Variants in SDC3 observed in about 807,000 individuals in gnomAD.
SDC3 encodes syndecan-3.
A neutral mutation model predicts 24.4 loss-of-function variants in SDC3; 13 were observed. The ratio of observed to expected loss-of-function variants is 0.53; its 90% CI spans 0.35 to 0.85. SDC3 has a LOEUF of 0.85. Among genes scored for constraint, SDC3 ranks in the 40% least tolerant of loss-of-function variants. SDC3 has a pLI of 0.01. For missense variants in SDC3, 571 were observed against 584.5 expected, an observed-to-expected ratio of 0.98 and a Z score of 0.24; for synonymous variants, 295 against 260.9, an observed-to-expected ratio of 1.13 and a Z score of -1.26.
At chr1:30,887,137 C>T (rs1639840497) in intron 1 of SDC3, among the ~76,000 whole-genome samples, 1 of 152,096 alleles carries the variant, frequency 6.6e-6, no homozygotes. Context: ...AAATGGAGGA[C>T]AAGGCGCACT....
rs13375114 is a variant in SDC3 at position 30,870,115 on chromosome 1, G to A, written c.*3096C>T. ...GCAGCCACTCCTACCCCATGAGGCA[G>A]AGGGTCTGCTCCCTGTGTCCAGGGG... On this transcript the variant is annotated 3_prime_UTR_variant, in exon 5 of 5. Coordinates refer to ENST00000339394, the MANE Select transcript of SDC3 (RefSeq NM_014654.4). 1 of 391,686 alleles carries A rather than the reference G, an allele frequency of 2.6e-6. No homozygotes were observed. Among genetic ancestry groups the A allele is most frequent in the African/African-American group, 2.1e-5 (1 of 48,476 alleles). The allele number at this position is 391,686 out of a possible 1,614,324, so 24.3% of individuals were successfully genotyped here.
At chr1:30,906,914 G>A (rs1638529397) in intron 1 of SDC3, among the ~76,000 whole-genome samples, 1 of 152,182 alleles carries the variant, frequency 6.6e-6, no homozygotes, top group African/African-American at 2.4e-5. Context: ...ACTTAGGGGA[G>A]AGCTGGGAAT....
chr1:30,886,090 C>A (rs1446287444), intron 1 of SDC3, among the ~76,000 whole-genome samples: 2 of 151,982 alleles, frequency 1.3e-5, no homozygotes, highest in African/African-American at 4.8e-5. Context: ...CCCAGCAGCA[C>A]CCCCCACACC....
At position 30,885,657 on chromosome 1, in the gene SDC3, C is replaced by T. The variant is rs545473654; in HGVS notation, c.139-6917G>A. Among the ~76,000 whole-genome samples, 4 of 152,318 alleles carry T rather than the reference C, an allele frequency of 2.6e-5. No homozygotes were observed. The East Asian group carries it at 7.7e-4, about 29-fold the overall frequency. ...AGCCTCTGAGGGAGCTGGCAGGGCC[C>T]ACGGCCCAACCGAGTCTCACCACAG... is the stretch of plus-strand genomic sequence containing the variant. On this transcript the variant is annotated intron_variant, in intron 1 of 4. Transcript: ENST00000339394.
At chr1:30,887,298 C>T (rs1479981571) in intron 1 of SDC3, among the ~76,000 whole-genome samples, 2 of 152,020 alleles carry the variant, frequency 1.3e-5, no homozygotes, top group Non-Finnish European at 2.9e-5. Context: ...CAGGAGTCTC[C>T]GAGGAACAAC....
intron 1 of SDC3, among the ~76,000 whole-genome samples, chr1:30,882,280 G>A (rs1451747156): frequency 6.6e-6 from 1 of 152,170 alleles, no homozygotes; most frequent in African/African-American, 2.4e-5. Flanking sequence ...GATGAAATGT[G>A]GCACCCTTCC....
In SDC3 at chr1:30,869,646, T is replaced by G. The variant is rs1639498214; in HGVS notation, c.*3565A>C. 1 of 398,384 alleles carries G rather than the reference T, an allele frequency of 2.5e-6. No homozygotes were observed. The highest frequency in any genetic ancestry group is 1.3e-4 in the South Asian group (1 of 7,864). 24.7% of individuals were successfully genotyped at this position (398,384 alleles called of 1,614,324 possible). On this transcript the variant is annotated 3_prime_UTR_variant, in exon 5 of 5. Coordinates refer to ENST00000339394, the MANE Select transcript of SDC3 (RefSeq NM_014654.4). ...GCGCCTTGGTCTCTTTTTTCCACTGTCTTTTTCTTTTGTTTTTCTTATTTA... is the reference window on the plus strand; with the variant it reads ...GCGCCTTGGTCTCTTTTTTCCACTGGCTTTTTCTTTTGTTTTTCTTATTTA...
intron 1 of SDC3, among the ~76,000 whole-genome samples, chr1:30,882,921 G>A (rs944600046): frequency 2.0e-5 from 3 of 152,184 alleles, no homozygotes; most frequent in Non-Finnish European, 2.9e-5. Context: ...AGAAGACTAC[G>A]CAGCTCATAG....
At chr1:30,900,776 A>G (rs1311427037) in intron 1 of SDC3, among the ~76,000 whole-genome samples, 1 of 151,684 alleles carries the variant, frequency 6.6e-6, no homozygotes, top group African/African-American at 2.4e-5. Context: ...ATTCTAAATT[A>G]CCCTCATTAA....
intron 1 of SDC3, among the ~76,000 whole-genome samples, chr1:30,880,271 A>AC (rs912033602): frequency 6.4e-4 from 96 of 150,314 alleles, no homozygotes; most frequent in African/African-American, 2.2e-3. Flanking sequence ...GGGAGAGATC[A>AC]CGGGGGAACT....
intron 1 of SDC3, among the ~76,000 whole-genome samples, chr1:30,889,366 G>A (rs931747533): frequency 5.9e-5 from 9 of 152,124 alleles, no homozygotes; most frequent in African/African-American, 1.9e-4. Flanking sequence ...GGGTCATAAG[G>A]ACTGAAGCAC....
At chr1:30,905,964 C>T (rs865993940) in intron 1 of SDC3, among the ~76,000 whole-genome samples, 2 of 149,970 alleles carry the variant, frequency 1.3e-5, no homozygotes, top group Admixed American at 1.3e-4. Flanking sequence ...CACGAAGACA[C>T]ACACACACAC....
rs1181843818 is a variant in SDC3 at position 30,869,535 on chromosome 1, AC to A, written c.*3675del. The A allele has an allele frequency of 5.2e-4, 157 of 303,762 alleles. No homozygotes were observed. The highest frequency in any genetic ancestry group is 9.3e-4 in the South Asian group (4 of 4,282). The allele number at this position is 303,762 out of a possible 1,614,324, so 18.8% of individuals were successfully genotyped here. On this transcript the variant is annotated 3_prime_UTR_variant, in exon 5 of 5. Coordinates refer to ENST00000339394, the MANE Select transcript of SDC3 (RefSeq NM_014654.4). Reference sequence around the variant, plus strand: ...CAGGAAGTGTTAAAAAAACAAACAAACAAAAAAAAAAAAAAAAAAAAAAAAA... The same window carrying A: ...CAGGAAGTGTTAAAAAAACAAACAAAAAAAAAAAAAAAAAAAAAAAAAAAA...
Position 30,869,764 on chromosome 1 carries a change from A to G in SDC3, c.*3447T>C. On this transcript the variant is annotated 3_prime_UTR_variant, in exon 5 of 5. Coordinates refer to ENST00000339394, the MANE Select transcript of SDC3 (RefSeq NM_014654.4). ...GAAGGCCTGGGGGAGGGAATGGCAGACCCCCACCCACCCCAGGCAGGTTCT... is the reference window on the plus strand; with the variant it reads ...GAAGGCCTGGGGGAGGGAATGGCAGGCCCCCACCCACCCCAGGCAGGTTCT... 2.5e-6 allele frequency: 1 copy of G among 398,382 alleles called. No individual in the cohort carries two copies. Among genetic ancestry groups the G allele is most frequent in the Non-Finnish European group, 4.4e-6 (1 of 226,160 alleles). 24.7% of individuals were successfully genotyped at this position (398,382 alleles called of 1,614,324 possible). A position where few individuals can be genotyped will look rare whatever the true frequency, so the allele number is the denominator to read the frequency against.
intron 1 of SDC3, among the ~76,000 whole-genome samples, chr1:30,884,584 G>A (rs1639801673): frequency 6.6e-6 from 1 of 151,846 alleles, no homozygotes; most frequent in South Asian, 2.1e-4. Context: ...TGTGGCACCT[G>A]CCTCCACCCA....
rs141652426 is a variant in SDC3 at position 30,869,641 on chromosome 1, C to T, written c.*3570G>A. On this transcript the variant is annotated 3_prime_UTR_variant, in exon 5 of 5. Coordinates refer to ENST00000339394, the MANE Select transcript of SDC3 (RefSeq NM_014654.4). Reference sequence around the variant, plus strand: ...GGCAGGCGCCTTGGTCTCTTTTTTCCACTGTCTTTTTCTTTTGTTTTTCTT... The same window carrying T: ...GGCAGGCGCCTTGGTCTCTTTTTTCTACTGTCTTTTTCTTTTGTTTTTCTT... The T allele has an allele frequency of 1.5e-3, 591 of 398,042 alleles. 3 individuals carry two copies. Among genetic ancestry groups the T allele is most frequent in the African/African-American group, 0.011 (546 of 48,480 alleles). 24.7% of individuals were successfully genotyped at this position (398,042 alleles called of 1,614,324 possible). A position where few individuals can be genotyped will look rare whatever the true frequency, so the allele number is the denominator to read the frequency against.
chr1:30,876,494 T>A, intron 3 of SDC3, 58 bp downstream of exon 3: 2 of 1,406,934 alleles, frequency 1.4e-6, no homozygotes, highest in Non-Finnish European at 1.9e-6. Flanking sequence ...ATCCTCCTCA[T>A]CCCTCCCCTG....
intron 1 of SDC3, among the ~76,000 whole-genome samples, chr1:30,882,896 A>G (rs1328436290): frequency 6.6e-6 from 1 of 152,172 alleles, no homozygotes; most frequent in Non-Finnish European, 1.5e-5. Flanking sequence ...TCTCATCTGT[A>G]AAATGGAGAT....
chr1:30,885,770 C>T (rs1006625874), intron 1 of SDC3, among the ~76,000 whole-genome samples: 1 of 152,240 alleles, frequency 6.6e-6, no homozygotes, highest in African/African-American at 2.4e-5. Flanking sequence ...GACACCCACC[C>T]GCCCGCCTTC....
Sources: gnomAD v4.1 joint callset for allele counts (sites outside exome capture counted in the v4.1 genomes callset) on GRCh38, gnomAD v4.1.1 for gene constraint, MANE v1.5 for transcripts, NCBI Gene and HGNC (gene_info 2026-07-23, HGNC 2026-07-21) for gene names.